The following ZNF521 variants were observed in gnomAD, a reference collection of about 807,000 sequenced individuals.
The protein encoded by ZNF521 is LYST-interacting protein 3.
ZNF521 carries 14 observed loss-of-function variants against 105.5 expected under a neutral mutation model. The ratio of observed to expected loss-of-function variants is 0.13; its 90% CI spans 0.09 to 0.21. The LOEUF (loss-of-function observed/expected upper bound fraction) is 0.21. Among genes scored for constraint, ZNF521 ranks in the 10% least tolerant of loss-of-function variants. The probability of loss-of-function intolerance (pLI) is 1.00; values close to 1 mark genes in which losing one functional copy is unlikely to be tolerated. For synonymous variants in ZNF521, 635 were observed against 606.0 expected (o/e 1.05, Z -0.70); for missense variants, 1,233 against 1,629.7 (o/e 0.76, Z 4.19).
Position 25,260,917 on chromosome 18 carries a change from T to C in ZNF521, c.221-33220A>G, listed in dbSNP as rs971372636. Among the ~76,000 whole-genome samples the C allele has an allele frequency of 2.0e-5, 3 of 152,128 alleles. No homozygotes were observed. The South Asian group carries it at 6.2e-4, about 31-fold the overall frequency. The stretch of plus-strand genomic sequence containing the variant: ...AATGTAACTGTTACTCTATAAATAA[T>C]AGATATCTTTCTTAAAATTAAGGCA... On this transcript the variant is annotated intron_variant, in intron 3 of 7. Coordinates refer to ENST00000361524, the MANE Select transcript of ZNF521 (RefSeq NM_015461.3).
chr18:25,190,429 C>T (rs947647712), intron 5 of ZNF521, among the ~76,000 whole-genome samples: 10 of 152,064 alleles, frequency 6.6e-5, no homozygotes, highest in Admixed American at 4.6e-4. Flanking sequence ...TGAAACCAGT[C>T]GGTGAAAGCA....
chr18:25,122,452 T>C (rs1046528727), intron 5 of ZNF521, among the ~76,000 whole-genome samples: 1 of 152,236 alleles, frequency 6.6e-6, no homozygotes, highest in African/African-American at 2.4e-5. Flanking sequence ...TTTAAGTATA[T>C]ACTATATTCT....
intron 7 of ZNF521, among the ~76,000 whole-genome samples, chr18:25,076,177 G>A (rs988091042): frequency 3.3e-5 from 5 of 152,190 alleles, no homozygotes; most frequent in South Asian, 4.1e-4. Flanking sequence ...CACAGTGAGC[G>A]TTCAAAAACC....
intron 7 of ZNF521, among the ~76,000 whole-genome samples, chr18:25,070,400 A>C (rs984240620): frequency 6.6e-6 from 1 of 152,182 alleles, no homozygotes; most frequent in Admixed American, 6.5e-5. Context: ...TTTATGTTCC[A>C]AACACTAGAC....
chr18:25,095,583 T>C (rs73398898), intron 5 of ZNF521, among the ~76,000 whole-genome samples: 7,094 of 152,160 alleles, frequency 0.047, 547 homozygotes, highest in African/African-American at 0.16. Flanking sequence ...TGAGCACAAT[T>C]TGCCTTGTAG....
At chr18:25,257,185 C>A (rs954234517) in intron 3 of ZNF521, among the ~76,000 whole-genome samples, 1 of 152,144 alleles carries the variant, frequency 6.6e-6, no homozygotes, top group South Asian at 2.1e-4. Flanking sequence ...ACTTAAGTAA[C>A]ATCTAAGTTC....
intron 5 of ZNF521, among the ~76,000 whole-genome samples, chr18:25,178,189 A>G (rs1467224913): frequency 6.6e-6 from 1 of 152,238 alleles, no homozygotes; most frequent in Non-Finnish European, 1.5e-5. Flanking sequence ...TCCCTTTCCA[A>G]TCATCCTATA....
rs78386914 is a variant in ZNF521, at chr18:25,125,261, G to T, written c.3659-33180C>A. 5.8e-3 allele frequency among the ~76,000 whole-genome samples: 876 copies of T among 152,116 alleles called. 10 individuals are homozygous for T. The highest frequency in any genetic ancestry group is 0.02 in the African/African-American group (838 of 41,510). ...GACAATAATCCATTGTTGAACATTA[G>T]TCTTATATTTATCTAATTTATTGAT... On this transcript the variant is annotated intron_variant, in intron 5 of 7. Coordinates refer to ENST00000361524, the MANE Select transcript of ZNF521 (RefSeq NM_015461.3).
At chr18:25,266,332 A>T (rs964955399) in intron 3 of ZNF521, among the ~76,000 whole-genome samples, 1 of 152,260 alleles carries the variant, frequency 6.6e-6, no homozygotes, top group Admixed American at 6.5e-5. Context: ...GTTCAAAATT[A>T]AAAAACAATT....
intron 5 of ZNF521, among the ~76,000 whole-genome samples, chr18:25,174,210 T>A (rs2035496212): frequency 6.6e-6 from 1 of 152,096 alleles, no homozygotes; most frequent in Non-Finnish European, 1.5e-5. Context: ...TAAGCAAACA[T>A]CAGAGGACAT....
chr18:25,254,308 A>G (rs1437360532), intron 3 of ZNF521, among the ~76,000 whole-genome samples: 2 of 152,136 alleles, frequency 1.3e-5, no homozygotes, highest in Non-Finnish European at 2.9e-5. Context: ...AAGCATGTAC[A>G]CTATCTAAGT....
intron 5 of ZNF521, among the ~76,000 whole-genome samples, chr18:25,116,663 A>T (rs2034308539): frequency 6.6e-6 from 1 of 151,962 alleles, no homozygotes; most frequent in African/African-American, 2.4e-5. Context: ...AAGCAGGCAG[A>T]GTCTGGAGAG....
chr18:25,062,802 C>G, intron 7 of ZNF521, 61 bp from the exon 8 acceptor site: 3 of 1,197,802 alleles, frequency 2.5e-6, no homozygotes, highest in Non-Finnish European at 3.2e-6. Context: ...AGAGGGAAAA[C>G]AAACTTCAGT....
chr18:25,280,517 T>C (rs1195388650), intron 3 of ZNF521, among the ~76,000 whole-genome samples: 1 of 152,064 alleles, frequency 6.6e-6, no homozygotes, highest in Non-Finnish European at 1.5e-5. Context: ...GATGACAGTC[T>C]ACACCTTTAC....
At chr18:25,290,633 C>T (rs1188242906) in intron 3 of ZNF521, among the ~76,000 whole-genome samples, 4 of 121,742 alleles carry the variant, frequency 3.3e-5, no homozygotes, top group Admixed American at 9.6e-5. Context: ...TTTTTTGAGA[C>T]GGAGTCTCAC....
Position 25,225,483 on chromosome 18 carries a change from T to C in ZNF521, c.2435A>G (p.Lys812Arg), listed in dbSNP as rs1250312301. Residue 812 changes from lysine to arginine, a missense_variant, in exon 4 of 8, where the codon AAG (lysine) becomes AGG (arginine). Transcript: ENST00000361524. This position sits in a 1 kb window ranked among gnomAD's most constrained non-coding sequence, Gnocchi z 5.6. ...CGCATGGAAGGCTTTGCTACAGAACTTGCAGTTGTACTTCTTACTGTGAGT... is the reference window on the plus strand; with the variant it reads ...CGCATGGAAGGCTTTGCTACAGAACCTGCAGTTGTACTTCTTACTGTGAGT... ...ITTHSKKYNCKFCSKAFHAII... is the reference protein window; with the variant it reads ...ITTHSKKYNCRFCSKAFHAII... 1 of 1,614,100 alleles carries C rather than the reference T, an allele frequency of 6.2e-7. No individual in the cohort carries two copies. The highest frequency in any genetic ancestry group is 1.3e-5 in the African/African-American group (1 of 74,944).
At chr18:25,125,383 C>A (rs2034519829) in intron 5 of ZNF521, among the ~76,000 whole-genome samples, 1 of 152,076 alleles carries the variant, frequency 6.6e-6, no homozygotes, top group Admixed American at 6.6e-5. Flanking sequence ...TCAAAACAGT[C>A]TATTCATATT....
intron 4 of ZNF521, among the ~76,000 whole-genome samples, chr18:25,208,260 CTAT>C (rs1364937295): frequency 6.6e-6 from 1 of 152,184 alleles, no homozygotes; most frequent in Non-Finnish European, 1.5e-5. Context: ...GAAGCAACAA[CTAT>C]GTTTGCCTTT....
intron 3 of ZNF521, among the ~76,000 whole-genome samples, chr18:25,299,371 A>T (rs900435397): frequency 2.0e-5 from 3 of 152,238 alleles, no homozygotes; most frequent in Non-Finnish European, 2.9e-5. Context: ...TAAGACAAAA[A>T]TTCTCCACAG....
Sources: allele counts gnomAD v4.1 joint callset (sites outside exome capture counted in the v4.1 genomes callset), GRCh38; gene constraint gnomAD v4.1.1; non-coding constraint Gnocchi (gnomAD v3.1); transcripts MANE v1.5; gene names NCBI Gene and HGNC (gene_info 2026-07-23, HGNC 2026-07-21).